Variants in GRM1 observed in about 807,000 individuals in gnomAD.
GRM1 encodes the protein metabotropic glutamate receptor 1.
Under a neutral mutation model 90.9 loss-of-function variants are expected in GRM1, and 33 were observed. The observed-to-expected ratio is 0.36, with a 90% CI of 0.28 to 0.49. The LOEUF (loss-of-function observed/expected upper bound fraction) is 0.49. Among genes scored for constraint, GRM1 ranks in the 20% least tolerant of loss-of-function variants. The pLI is 0.99. For missense variants in GRM1, 1,190 were observed against 1,534.3 expected (o/e 0.78, Z 3.75); for synonymous variants, 700 against 613.2 (o/e 1.14, Z -2.09).
intron 1 of GRM1, among the ~76,000 whole-genome samples, chr6:146,119,759 G>C (rs924491417): frequency 6.6e-6 from 1 of 152,042 alleles, no homozygotes; most frequent in Non-Finnish European, 1.5e-5. Context: ...GTAGATATGC[G>C]GCATTATTTC....
At chr6:146,311,063 A>G (rs562755029) in intron 3 of GRM1, among the ~76,000 whole-genome samples, 4 of 152,344 alleles carry the variant, frequency 2.6e-5, no homozygotes, top group African/African-American at 9.6e-5. Flanking sequence ...ATGGGACATA[A>G]TTCCTCAACC....
At chr6:146,239,528 C>G (rs1272974125) in intron 2 of GRM1, among the ~76,000 whole-genome samples, 1 of 152,046 alleles carries the variant, frequency 6.6e-6, no homozygotes, top group Admixed American at 6.6e-5. Context: ...AGGACTTCAT[C>G]AGTGTTTGAC....
intron 2 of GRM1, among the ~76,000 whole-genome samples, chr6:146,223,207 A>G (rs1780130761): frequency 6.6e-6 from 1 of 151,934 alleles, no homozygotes; most frequent in Non-Finnish European, 1.5e-5. Context: ...AAAAACAAGA[A>G]CTCTTTTTAA....
chr6:146,059,550 G>C (rs1246915913), intron 1 of GRM1, among the ~76,000 whole-genome samples: 1 of 152,110 alleles, frequency 6.6e-6, no homozygotes, highest in Non-Finnish European at 1.5e-5. Context: ...TCAACTTAAA[G>C]TCAACAGTTG....
At chr6:146,061,402 A>G (rs1775663811) in intron 1 of GRM1, among the ~76,000 whole-genome samples, 1 of 151,940 alleles carries the variant, frequency 6.6e-6, no homozygotes, top group South Asian at 2.1e-4. Flanking sequence ...TTTATTGTGC[A>G]TCACAGATAT....
At chr6:146,241,753 G>T (rs1216038664) in intron 2 of GRM1, among the ~76,000 whole-genome samples, 1 of 152,068 alleles carries the variant, frequency 6.6e-6, no homozygotes, top group Admixed American at 6.6e-5. Flanking sequence ...GCCCTACTCA[G>T]TATCTTCATC....
chr6:146,196,547 C>A (rs901655496), intron 2 of GRM1, among the ~76,000 whole-genome samples: 1 of 148,578 alleles, frequency 6.7e-6, no homozygotes, highest in Non-Finnish European at 1.5e-5. Flanking sequence ...CCTCATGATC[C>A]GCCCACCTTG....
intron 6 of GRM1, among the ~76,000 whole-genome samples, chr6:146,388,052 A>T (rs1776573577): frequency 1.3e-5 from 2 of 152,122 alleles, no homozygotes. Context: ...AAGTTTCCTA[A>T]GAGTGATGTT....
chr6:146,166,967 G>C (rs4607452), intron 2 of GRM1, among the ~76,000 whole-genome samples: 37,761 of 152,008 alleles, frequency 0.25, 8,183 homozygotes, highest in African/African-American at 0.59. Flanking sequence ...TTATTTGATG[G>C]ATTTTGATAA....
rs550890756 is a variant in GRM1, at chr6:146,322,750, G to A, written c.1186+17904G>A. Among the ~76,000 whole-genome samples the A allele has an allele frequency of 1.9e-4, 27 of 144,448 alleles. No homozygotes were observed. The South Asian group carries it at 2.2e-3, about 12-fold the overall frequency. The allele number at this position is 144,448 out of a possible 152,430, so 94.8% of individuals were successfully genotyped here. On this transcript the variant is annotated intron_variant, in intron 3 of 7. Coordinates refer to ENST00000282753, the MANE Select transcript of GRM1 (RefSeq NM_001278064.2). ...TATATCTCCTAATGCTATCCCTCCCGCCCTCCACCCACCCCACAGCAGTCC... is the reference window on the plus strand; with the variant it reads ...TATATCTCCTAATGCTATCCCTCCCACCCTCCACCCACCCCACAGCAGTCC...
intron 2 of GRM1, among the ~76,000 whole-genome samples, chr6:146,260,981 T>C (rs138802456): frequency 6.6e-6 from 1 of 151,916 alleles, no homozygotes; most frequent in African/African-American, 2.4e-5. Context: ...GGTAGAGACA[T>C]TGAGTGAAAG....
intron 7 of GRM1, among the ~76,000 whole-genome samples, chr6:146,430,831 C>A (rs778783424): frequency 6.6e-6 from 1 of 152,102 alleles, no homozygotes; most frequent in Non-Finnish European, 1.5e-5. Flanking sequence ...GAATACAGAA[C>A]AAAACAAAAG....
intron 5 of GRM1, among the ~76,000 whole-genome samples, chr6:146,359,405 G>A (rs1403752271): frequency 6.6e-6 from 1 of 152,206 alleles, no homozygotes; most frequent in Admixed American, 6.5e-5. Flanking sequence ...GCCACCCAAA[G>A]GATGTCACAT....
At chr6:146,352,133 C>T (rs1221092891) in intron 3 of GRM1, 117 bp from the exon 4 acceptor site, 3 of 1,003,332 alleles carry the variant, frequency 3.0e-6, no homozygotes, top group African/African-American at 3.2e-5. Context: ...GTGGCTTCTG[C>T]CAGTGTCATT....
chr6:146,316,360 C>A (rs1783967530), intron 3 of GRM1, among the ~76,000 whole-genome samples: 1 of 152,204 alleles, frequency 6.6e-6, no homozygotes, highest in Non-Finnish European at 1.5e-5. Flanking sequence ...ATAATCTCTC[C>A]ATCTCAAGGG....
At chr6:146,208,418 T>C (rs1021870205) in intron 2 of GRM1, among the ~76,000 whole-genome samples, 4 of 152,176 alleles carry the variant, frequency 2.6e-5, no homozygotes, top group Non-Finnish European at 5.9e-5. Flanking sequence ...AGAATTATCT[T>C]TCATTTCACA....
chr6:146,255,359 A>G (rs894587788), intron 2 of GRM1, among the ~76,000 whole-genome samples: 7 of 152,172 alleles, frequency 4.6e-5, no homozygotes, highest in Non-Finnish European at 8.8e-5. Context: ...ATTTGACCAA[A>G]GATCTTCAAT....
intron 5 of GRM1, among the ~76,000 whole-genome samples, chr6:146,382,054 C>G (rs923821988): frequency 6.6e-6 from 1 of 152,064 alleles, no homozygotes; most frequent in Non-Finnish European, 1.5e-5. Context: ...ACCATGTACA[C>G]AGGATGTAAA....
intron 2 of GRM1, among the ~76,000 whole-genome samples, chr6:146,240,025 A>T (rs1239293388): frequency 6.6e-6 from 1 of 152,052 alleles, no homozygotes; most frequent in Non-Finnish European, 1.5e-5. Context: ...AAATGGAAAT[A>T]ATACTTACTT....
Sources: allele counts gnomAD v4.1 joint callset (sites outside exome capture counted in the v4.1 genomes callset), GRCh38; gene constraint gnomAD v4.1.1; transcripts MANE v1.5; gene names NCBI Gene and HGNC (gene_info 2026-07-23, HGNC 2026-07-21).